Variants in PLEKHG3 observed in about 807,000 individuals in gnomAD.
PLEKHG3 encodes pleckstrin homology and RhoGEF domain containing G3.
A neutral mutation model predicts 94.9 loss-of-function variants in PLEKHG3; 62 were observed. The observed-to-expected ratio is 0.65, with a 90% CI of 0.53 to 0.81. PLEKHG3 has a LOEUF of 0.81. Ranked by LOEUF, PLEKHG3 falls within the 30% of genes least tolerant of loss-of-function variation. The pLI, the probability that PLEKHG3 is intolerant of heterozygous loss-of-function variation, is 0.00. For missense variants in PLEKHG3, 1,461 were observed against 1,619.3 expected (o/e 0.90, Z 1.68); for synonymous variants, 614 against 654.0 (o/e 0.94, Z 0.93).
At position 64,732,625 on chromosome 14, in the gene PLEKHG3, T is replaced by TTAA. The variant is rs1464656056; in HGVS notation, c.1246+165_1246+166insTAA. Among the ~76,000 whole-genome samples, 810 of 152,232 alleles carry TTAA rather than the reference T, an allele frequency of 5.3e-3. 9 individuals are homozygous for TTAA. Among genetic ancestry groups the TTAA allele is most frequent in the African/African-American group, 0.019 (774 of 41,524 alleles). On this transcript the variant is annotated intron_variant, in intron 11 of 16. Coordinates refer to ENST00000247226, the MANE Select transcript of PLEKHG3 (RefSeq NM_001308147.2). The surrounding 1 kb of genome is among the most constrained non-coding windows in gnomAD (Gnocchi z 4.9). ...AACTACATGATTAAGGATGCTCTCC[T>TTAA]GCTGAGCGGTGGGACTCTCAGTGCC...
rs2139400774 is a variant in PLEKHG3 at position 64,743,589 on chromosome 14, G to C, written c.3546G>C (p.Gln1182His). 1 of 1,613,012 alleles carries C rather than the reference G, an allele frequency of 6.2e-7. No individual in the cohort carries two copies. The highest frequency in any genetic ancestry group is 8.5e-7 in the Non-Finnish European group (1 of 1,179,986). ...ALLGQVQDFQ[Q>H]SAECQPKEEG... ...TGGGGCAGGTTCAGGACTTCCAGCA[G>C]TCTGCAGAGTGCCAGCCGAAGGAAG... is the stretch of plus-strand genomic sequence containing the variant. The change falls in exon 17 of 17, where the codon CAG (glutamine) becomes CAC (histidine). Residue 1182 changes from glutamine (Q) to histidine (H), a missense_variant. Physicochemically the swap from Gln to His is conservative, Grantham distance 24. Transcript: ENST00000247226. This position sits in a 1 kb window ranked among gnomAD's most constrained non-coding sequence, Gnocchi z 7.2.
At position 64,737,524 on chromosome 14, in the gene PLEKHG3, C is replaced by CCA. The variant is rs142038577; in HGVS notation, c.1404+152_1404+153dup. On this transcript the variant is annotated intron_variant, in intron 14 of 16. Coordinates refer to ENST00000247226, the MANE Select transcript of PLEKHG3 (RefSeq NM_001308147.2). ...GTGTACCAGGCTGTGTGGCTTAGGGCCACAGAGATGAATAAGACATGGGCC... is the reference window on the plus strand; with the variant it reads ...GTGTACCAGGCTGTGTGGCTTAGGGCCACACAGAGATGAATAAGACATGGGCC... The CCA allele has an allele frequency of 0.013, 7,877 of 628,688 alleles. 351 individuals are homozygous for CCA. In the East Asian group the frequency reaches 0.13, roughly 10 times the overall value. 38.9% of individuals were successfully genotyped at this position (628,688 alleles called of 1,614,324 possible). A position where few individuals can be genotyped will look rare whatever the true frequency, so the allele number is the denominator to read the frequency against.
intron 1 of PLEKHG3, among the ~76,000 whole-genome samples, chr14:64,710,498 C>T (rs2081052256): frequency 6.6e-6 from 1 of 152,014 alleles, no homozygotes; most frequent in African/African-American, 2.4e-5. Context: ...GGTGAAACCC[C>T]GTCTCTATTA....
chr14:64,733,841 T>TC (rs1463063767), intron 12 of PLEKHG3, among the ~76,000 whole-genome samples: 1 of 152,168 alleles, frequency 6.6e-6, no homozygotes, highest in Non-Finnish European at 1.5e-5. Context: ...GATGGGTGTG[T>TC]GTGTTTTCAA....
At chr14:64,709,391 G>A (rs1168099793) in intron 1 of PLEKHG3, among the ~76,000 whole-genome samples, 2 of 152,192 alleles carry the variant, frequency 1.3e-5, no homozygotes. Flanking sequence ...AGTTCTGGCG[G>A]CTGGCCTTTG....
rs2081717571 is a variant in PLEKHG3, at chr14:64,742,297, A to G, written c.2780A>G (p.Tyr927Cys). The change falls in exon 16 of 17, where the codon TAC becomes TGC. Residue 927 changes from tyrosine (Y) to cysteine (C), a missense_variant. This residue lies in a region of PLEKHG3 where 1,201 missense variants were observed against 1,295.5 expected (regional missense o/e 0.93). Coordinates refer to ENST00000247226, the MANE Select transcript of PLEKHG3 (RefSeq NM_001308147.2). The part of the protein sequence containing the change: ...HVSERVKNKV[Y>C]QLARQYSLRI... ...AGCGAGCGCGTCAAGAACAAGGTCT[A>G]CCAGCTGGCCCGCCAGTACAGCCTC... 1 of 1,612,772 alleles carries G rather than the reference A, an allele frequency of 6.2e-7. No individual in the cohort carries two copies. The highest frequency in any genetic ancestry group is 8.5e-7 in the Non-Finnish European group (1 of 1,180,022).
chr14:64,736,799 C>G (rs2081579550), intron 12 of PLEKHG3, 54 bp from the exon 13 acceptor site: 1 of 1,378,464 alleles, frequency 7.3e-7, no homozygotes, highest in African/African-American at 1.4e-5. Flanking sequence ...GGGACCCAGC[C>G]AGGCACAGCA....
In PLEKHG3 at chr14:64,731,615, C is replaced by T; in HGVS notation, c.1032+72C>T. On this transcript the variant is annotated intron_variant, in intron 8 of 16. Coordinates refer to ENST00000247226, the MANE Select transcript of PLEKHG3 (RefSeq NM_001308147.2). This position sits in a 1 kb window ranked among gnomAD's most constrained non-coding sequence, Gnocchi z 6.1. ...AAAGGATCTGGGCTCCCCTTCTTGT[C>T]TGCTTCTTGGGGCTCCAGCACCACC... The T allele has an allele frequency of 6.5e-7, 1 of 1,550,322 alleles. No individual in the cohort carries two copies. Among genetic ancestry groups the T allele is most frequent in the Non-Finnish European group, 8.9e-7 (1 of 1,122,420 alleles).
In PLEKHG3 at chr14:64,722,161, C is replaced by T. The variant is rs2081272793; in HGVS notation, c.-39-5432C>T. Among the ~76,000 whole-genome samples the T allele has an allele frequency of 6.6e-6, 1 of 152,100 alleles. No homozygotes were observed. The stretch of plus-strand genomic sequence containing the variant: ...AGATGATGTAGTTGAGGGATGAAGG[C>T]CACACAGGAGGGCTGCGCCATCGCC... On this transcript the variant is annotated intron_variant, in intron 1 of 16. Transcript: ENST00000247226. This position sits in a 1 kb window ranked among gnomAD's most constrained non-coding sequence, Gnocchi z 4.3.
At position 64,730,179 on chromosome 14, in the gene PLEKHG3, G is replaced by T. The variant is rs570132211; in HGVS notation, c.450-64G>T. ...AGTCAGGGTTTGGGAGGTTGGGGAG[G>T]GGGCAGTGAGGGGCATTGTCCTCTG... On this transcript the variant is annotated intron_variant, in intron 3 of 16. Transcript: ENST00000247226. The surrounding 1 kb of genome is among the most constrained non-coding windows in gnomAD (Gnocchi z 5.4). The T allele has an allele frequency of 3.5e-6, 3 of 855,948 alleles. No individual in the cohort carries two copies. The highest frequency in any genetic ancestry group is 5.3e-5 in the East Asian group (2 of 37,702). 53.0% of individuals were successfully genotyped at this position (855,948 alleles called of 1,614,324 possible). A position where few individuals can be genotyped will look rare whatever the true frequency, so the allele number is the denominator to read the frequency against.
In PLEKHG3 at chr14:64,742,190, G is replaced by A. The variant is rs760758687; in HGVS notation, c.2673G>A (p.Leu891=). 2 of 1,612,960 alleles carry A rather than the reference G, an allele frequency of 1.2e-6. No individual in the cohort carries two copies. Among genetic ancestry groups the A allele is most frequent in the Admixed American group, 1.7e-5 (1 of 60,022 alleles). Residue 891 remains leucine (L), a synonymous_variant, in exon 16 of 17, where the codon CTG becomes CTA. Coordinates refer to ENST00000247226, the MANE Select transcript of PLEKHG3 (RefSeq NM_001308147.2). ...AGCTGAAAGAGCTGGTGAAGGAGCT[G>A]AGCAGCAGTACCCAGGGGGAGCTGG... The part of the protein sequence containing the change: ...ARELKELVKE[L]SSSTQGELVA...
intron 1 of PLEKHG3, among the ~76,000 whole-genome samples, chr14:64,719,148 T>C (rs2081220263): frequency 6.6e-6 from 1 of 152,204 alleles, no homozygotes; most frequent in African/African-American, 2.4e-5. Context: ...ATGGTCTATA[T>C]GGATGTTGAG....
At position 64,731,006 on chromosome 14, in the gene PLEKHG3, CA is replaced by C. The variant is rs1174446998; in HGVS notation, c.718-31del. ...CCTGGGGAGGGCAGGGCCTTCGGGT[CA>C]GGGGCACCTAAGCGTCTATCTTCTG... On this transcript the variant is annotated intron_variant, in intron 6 of 16. Transcript: ENST00000247226. The surrounding 1 kb of genome is among the most constrained non-coding windows in gnomAD (Gnocchi z 6.1). 4.3e-6 allele frequency: 7 copies of C among 1,613,918 alleles called. No individual in the cohort carries two copies. Among genetic ancestry groups the C allele is most frequent in the Non-Finnish European group, 5.9e-6 (7 of 1,180,008 alleles).
At position 64,704,432 on chromosome 14, in the gene PLEKHG3, G is replaced by C. The variant is rs992674753; in HGVS notation, c.-312G>C. The C allele has an allele frequency of 4.9e-5, 7 of 142,722 alleles. No individual in the cohort carries two copies. Among genetic ancestry groups the C allele is most frequent in the Non-Finnish European group, 1.1e-4 (7 of 65,822 alleles). The allele number at this position is 142,722 out of a possible 1,614,324, so 8.8% of individuals were successfully genotyped here. A position where few individuals can be genotyped will look rare whatever the true frequency, so the allele number is the denominator to read the frequency against. On this transcript the variant is annotated 5_prime_UTR_variant, in exon 1 of 17. Coordinates refer to ENST00000247226, the MANE Select transcript of PLEKHG3 (RefSeq NM_001308147.2). This position sits in a 1 kb window ranked among gnomAD's most constrained non-coding sequence, Gnocchi z 5.6. ...CGCTCCCTCGCTCCCTCGCTCCCTCGCTCCCTCGCTCCCTCCTGCCCTCCC... is the reference window on the plus strand; with the variant it reads ...CGCTCCCTCGCTCCCTCGCTCCCTCCCTCCCTCGCTCCCTCCTGCCCTCCC...
rs753854868 is a variant in PLEKHG3, at chr14:64,730,726, G to C, written c.566+38G>C. ...GGTGAGAGGGAAGGCAGAGCCATTT[G>C]GTGAGTCCAGAGCCCCCCACTTCCT... On this transcript the variant is annotated intron_variant, in intron 5 of 16. Transcript: ENST00000247226. This position sits in a 1 kb window ranked among gnomAD's most constrained non-coding sequence, Gnocchi z 5.4. 1 of 1,612,228 alleles carries C rather than the reference G, an allele frequency of 6.2e-7. No homozygotes were observed. The highest frequency in any genetic ancestry group is 8.5e-7 in the Non-Finnish European group (1 of 1,178,280).
chr14:64,749,198 A>AT lies in PLEKHG3; in HGVS notation c.*5495_*5496insT. The AT allele has an allele frequency of 7.2e-7, 1 of 1,381,760 alleles. No individual in the cohort carries two copies. 85.6% of individuals were successfully genotyped at this position (1,381,760 alleles called of 1,614,324 possible). On this transcript the variant is annotated 3_prime_UTR_variant, in exon 17 of 17. Coordinates refer to ENST00000247226, the MANE Select transcript of PLEKHG3 (RefSeq NM_001308147.2). This position sits in a 1 kb window ranked among gnomAD's most constrained non-coding sequence, Gnocchi z 4.7. ...GTGGGGCCCGGGGGCCCGGCCCGCG[A>AT]CTCGACTCATCTCGATTCGACCGGC...
intron 12 of PLEKHG3, among the ~76,000 whole-genome samples, 190 bp from the exon 13 acceptor site, chr14:64,736,663 C>T (rs2081575681): frequency 6.6e-6 from 1 of 152,200 alleles, no homozygotes; most frequent in African/African-American, 2.4e-5. Context: ...GGGCCCGCCT[C>T]CCTGTCCGTA....
chr14:64,730,138 A>T lies in PLEKHG3; in HGVS notation c.450-105A>T, dbSNP rs536348734. On this transcript the variant is annotated intron_variant, in intron 3 of 16. Transcript: ENST00000247226. The surrounding 1 kb of genome is among the most constrained non-coding windows in gnomAD (Gnocchi z 5.4). ...AGAAGCCCCAGTTCTTTAGCAAAGC[A>T]ATAGGGCTGGCTGTCAGTCAGGGTT... 11 of 669,898 alleles carry T rather than the reference A, an allele frequency of 1.6e-5. No individual in the cohort carries two copies. In the African/African-American group the frequency reaches 1.8e-4, roughly 11 times the overall value. 41.5% of individuals were successfully genotyped at this position (669,898 alleles called of 1,614,324 possible). A position where few individuals can be genotyped will look rare whatever the true frequency, so the allele number is the denominator to read the frequency against.
Position 64,742,244 on chromosome 14 carries a change from G to T in PLEKHG3, c.2727G>T (p.Gln909His). ...CCCCACTGCACCCCCGCATCGTGCA[G>T]CTCTCCCACGTAATGGACAGCCACG... ...LVAPLHPRIV[Q>H]LSHVMDSHVS... The change falls in exon 16 of 17, where the codon CAG becomes CAT. Residue 909 changes from glutamine (Q) to histidine (H), a missense_variant. Physicochemically the swap from Gln to His is conservative, Grantham distance 24. Coordinates refer to ENST00000247226, the MANE Select transcript of PLEKHG3 (RefSeq NM_001308147.2). 1 of 1,613,106 alleles carries T rather than the reference G, an allele frequency of 6.2e-7. No homozygotes were observed. Among genetic ancestry groups the T allele is most frequent in the Non-Finnish European group, 8.5e-7 (1 of 1,180,024 alleles).
Sources: gnomAD v4.1 joint callset for allele counts (sites outside exome capture counted in the v4.1 genomes callset) on GRCh38, gnomAD v4.1.1 for gene constraint, gnomAD v4.1.1 regional missense constraint, Gnocchi (gnomAD v3.1) non-coding constraint, MANE v1.5 for transcripts, NCBI Gene and HGNC (gene_info 2026-07-23, HGNC 2026-07-21) for gene names.